Variants in TAC4 observed in about 807,000 individuals in gnomAD.
TAC4 encodes tachykinin-4.
A neutral mutation model predicts 17.7 loss-of-function variants in TAC4; 17 were observed. That is an observed-to-expected ratio of 0.96 (90% confidence interval 0.66 to 1.44). The LOEUF (loss-of-function observed/expected upper bound fraction) is 1.44. TAC4 is among the 40% of genes most tolerant of loss of function. TAC4 has a pLI of 0.00. For missense variants in TAC4, 118 were observed against 125.6 expected (o/e 0.94, Z 0.29); for synonymous variants, 62 against 52.4 (o/e 1.18, Z -0.79).
intron 4 of TAC4, among the ~76,000 whole-genome samples, chr17:49,839,605 G>T (rs1247458889): frequency 1.3e-5 from 2 of 152,216 alleles, no homozygotes; most frequent in African/African-American, 4.8e-5. Context: ...TGAGGGGCAG[G>T]GGTGGGGGCA....
rs1382964044 is a variant in TAC4 at position 49,838,539 on chromosome 17, C to T, written c.*103G>A. 8.5e-6 allele frequency: 12 copies of T among 1,418,314 alleles called. No homozygotes were observed. Among genetic ancestry groups the T allele is most frequent in the Non-Finnish European group, 1.1e-5 (11 of 1,005,724 alleles). 87.9% of individuals were successfully genotyped at this position (1,418,314 alleles called of 1,614,324 possible). On this transcript the variant is annotated 3_prime_UTR_variant, in exon 5 of 5. Transcript: ENST00000436235. ...TTGTGTGAAGTGCCAGCGATGAGGA[C>T]AGGAGACACAGAGAAGAGAGTTGGC...
chr17:49,842,741 A>G (rs747247095), intron 2 of TAC4, among the ~76,000 whole-genome samples: 1 of 152,074 alleles, frequency 6.6e-6, no homozygotes, highest in African/African-American at 2.4e-5. Flanking sequence ...CTCCCCCCTC[A>G]TCTCCACTTC....
chr17:49,847,849 C>T, intron 1 of TAC4, 64 bp downstream of exon 1: 1 of 1,611,944 alleles, frequency 6.2e-7, no homozygotes, highest in Non-Finnish European at 8.5e-7. Flanking sequence ...TGCCTCTGCA[C>T]TGCCGATTAT....
At chr17:49,846,922 C>T (rs1056201681) in intron 1 of TAC4, 32 of 1,272,220 alleles carry the variant, frequency 2.5e-5, no homozygotes, top group East Asian at 5.6e-5. Context: ...TTCCCTCCTC[C>T]GTTTTGCAGG....
intron 4 of TAC4, 38 bp downstream of exon 4, chr17:49,839,812 C>G: frequency 6.3e-7 from 1 of 1,594,230 alleles, no homozygotes; most frequent in Non-Finnish European, 8.6e-7. Context: ...GGCCATTTTC[C>G]CATGATGCCC....
chr17:49,844,142 T>G lies in TAC4; in HGVS notation c.121A>C (p.Ser41Arg). Residue 41 changes from serine to arginine, a missense_variant, in exon 2 of 5, where the codon AGC (serine) becomes CGC (arginine). Transcript: ENST00000436235. ...EAETWEGAGPSIQLQLQEVKT... is the reference protein window; with the variant it reads ...EAETWEGAGPRIQLQLQEVKT... ...ACCTCCTGCAGCTGGAGCTGAATGC[T>G]GGGGCCAGCGCCTTCCTGAAGAAGC... 6.2e-7 allele frequency: 1 copy of G among 1,613,854 alleles called. No homozygotes were observed. Among genetic ancestry groups the G allele is most frequent in the Non-Finnish European group, 8.5e-7 (1 of 1,179,746 alleles).
At chr17:49,842,301 T>G (rs1239773766) in intron 2 of TAC4, among the ~76,000 whole-genome samples, 1 of 151,626 alleles carries the variant, frequency 6.6e-6, no homozygotes, top group Non-Finnish European at 1.5e-5. Context: ...GAGTCTGAGG[T>G]GGGCGAATCA....
At position 49,847,953 on chromosome 17, in the gene TAC4, C is replaced by A. The variant is rs775471140; in HGVS notation, c.65G>T (p.Gly22Val). The A allele has an allele frequency of 6.2e-7, 1 of 1,614,212 alleles. No homozygotes were observed. The highest frequency in any genetic ancestry group is 8.5e-7 in the Non-Finnish European group (1 of 1,180,052). The change falls in exon 1 of 5, where the codon GGT becomes GTT. Residue 22 changes from glycine (G) to valine (V), a missense_variant. By Grantham distance (109) the Gly-to-Val change is moderately radical. Transcript: ENST00000436235. Reference protein sequence around the residue: ...ELSVCTVAGDGGEEQTLSTEA... With the variant: ...ELSVCTVAGDVGEEQTLSTEA... ...AGTGCTGAGTGTCTGTTCCTCTCCACCATCACCTGCCACAGTGCACACGGA... is the reference window on the plus strand; with the variant it reads ...AGTGCTGAGTGTCTGTTCCTCTCCAACATCACCTGCCACAGTGCACACGGA...
At chr17:49,846,725 C>T (rs1362912284) in intron 1 of TAC4, among the ~76,000 whole-genome samples, 1 of 152,174 alleles carries the variant, frequency 6.6e-6, no homozygotes, top group Non-Finnish European at 1.5e-5. Flanking sequence ...GGATTAGACC[C>T]AGCTGCAGGA....
chr17:49,842,421 T>C (rs1054263493), intron 2 of TAC4, among the ~76,000 whole-genome samples: 6 of 151,736 alleles, frequency 4.0e-5, no homozygotes, highest in African/African-American at 7.3e-5. Context: ...TCTCAACTAC[T>C]TGGGAGGCTG....
At chr17:49,839,427 T>C (rs2074480400) in intron 4 of TAC4, among the ~76,000 whole-genome samples, 1 of 152,234 alleles carries the variant, frequency 6.6e-6, no homozygotes, top group Non-Finnish European at 1.5e-5. Context: ...TCTGCACTTA[T>C]TTACAGTGGT....
chr17:49,839,303 A>G (rs1262586012), intron 4 of TAC4, among the ~76,000 whole-genome samples: 2 of 151,994 alleles, frequency 1.3e-5, no homozygotes, highest in Non-Finnish European at 2.9e-5. Flanking sequence ...CCTTTCCCCA[A>G]CCTGATTGAT....
At chr17:49,838,799 A>G in intron 4 of TAC4, 126 bp from the exon 5 acceptor site, 2 of 897,144 alleles carry the variant, frequency 2.2e-6, no homozygotes, top group East Asian at 2.6e-5. Flanking sequence ...CTTTCTGGAG[A>G]TATCTAGGGC....
At chr17:49,844,216 G>A (rs1598104873) in intron 1 of TAC4, 59 bp from the exon 2 acceptor site, 1 of 1,548,962 alleles carries the variant, frequency 6.5e-7, no homozygotes, top group Non-Finnish European at 8.9e-7. Flanking sequence ...CGGGAGGCCA[G>A]CCTGGGCAAT....
intron 4 of TAC4, 104 bp from the exon 5 acceptor site, chr17:49,838,777 A>T: frequency 8.7e-7 from 1 of 1,144,146 alleles, no homozygotes; most frequent in Non-Finnish European, 1.3e-6. Flanking sequence ...TCATCTTCCT[A>T]ACCCCTCTCT....
intron 1 of TAC4, chr17:49,847,213 C>G (rs201896080): frequency 1.6e-6 from 2 of 1,290,206 alleles, no homozygotes; most frequent in Non-Finnish European, 2.0e-6. Context: ...CCCCTGGAAG[C>G]CTTCCCTGAG....
intron 2 of TAC4, among the ~76,000 whole-genome samples, chr17:49,841,865 C>T (rs559825661): frequency 2.1e-5 from 3 of 145,508 alleles, no homozygotes; most frequent in South Asian, 4.3e-4. Flanking sequence ...AGTTTCCCCG[C>T]TTGTGATAAG....
At chr17:49,841,620 C>T (rs200754167) in intron 2 of TAC4, 36 bp from the exon 3 acceptor site, 4 of 1,522,522 alleles carry the variant, frequency 2.6e-6, no homozygotes, top group Non-Finnish European at 2.6e-6. Flanking sequence ...CTACGGACTG[C>T]ACTGCTTCCC....
chr17:49,841,585 C>G lies in TAC4; in HGVS notation c.200-1G>C. ...CTCCTTGGCTGGATCAGAGGTCTTCCTGGGGGAAGGAGAAGGAATGAGGAC... is the reference window on the plus strand; with the variant it reads ...CTCCTTGGCTGGATCAGAGGTCTTCGTGGGGGAAGGAGAAGGAATGAGGAC... On this transcript the variant is annotated splice_acceptor_variant, in intron 2 of 4. Coordinates refer to ENST00000436235, the MANE Select transcript of TAC4 (RefSeq NM_001077506.2). LOFTEE classifies it high-confidence loss of function. The G allele has an allele frequency of 1.9e-6, 3 of 1,572,824 alleles. No homozygotes were observed. The highest frequency in any genetic ancestry group is 2.6e-6 in the Non-Finnish European group (3 of 1,160,776).
Sources: allele counts gnomAD v4.1 joint callset (sites outside exome capture counted in the v4.1 genomes callset), GRCh38; gene constraint gnomAD v4.1.1; transcripts MANE v1.5; gene names NCBI Gene and HGNC (gene_info 2026-07-23, HGNC 2026-07-21).